Variants in JAK2 observed in about 807,000 individuals in gnomAD.
JAK2 encodes Janus kinase 2.
JAK2 carries 86 observed loss-of-function variants against 139.3 expected under a neutral mutation model. The ratio of observed to expected loss-of-function variants is 0.62; its 90% CI spans 0.52 to 0.74. The LOEUF (loss-of-function observed/expected upper bound fraction) is 0.74, where lower values mean the gene tolerates loss of function less well. Ranked by LOEUF, JAK2 falls within the 30% of genes least tolerant of loss-of-function variation. The pLI, the probability that JAK2 is intolerant of heterozygous loss-of-function variation, is 0.00. For synonymous variants in JAK2, 490 were observed against 437.7 expected (o/e 1.12, Z -1.49); for missense variants, 1,421 against 1,360.3 (o/e 1.04, Z -0.70).
chr9:5,115,299 CAT>C (rs1310599777), intron 22 of JAK2, among the ~76,000 whole-genome samples: 15 of 152,090 alleles, frequency 9.9e-5, no homozygotes, highest in African/African-American at 2.4e-4. Flanking sequence ...GGCCAACAAA[CAT>C]ATGAAAAAAA....
chr9:5,005,657 T>A (rs1180566896), intron 2 of JAK2, among the ~76,000 whole-genome samples: 1 of 152,224 alleles, frequency 6.6e-6, no homozygotes, highest in Non-Finnish European at 1.5e-5. Context: ...TTTGGTATCA[T>A]GTTTATACTC....
chr9:5,090,429 C>T lies in JAK2; in HGVS notation c.2762-17C>T. On this transcript the variant is annotated splice_polypyrimidine_tract_variant and intron_variant, in intron 20 of 24. Transcript: ENST00000381652. ...ATATGGCAGAGTAAAACATTATTTC[C>T]ACCTTTATGTTAAAAGGTCGGCGTA... The T allele has an allele frequency of 2.7e-6, 4 of 1,496,662 alleles. No homozygotes were observed. The highest frequency in any genetic ancestry group is 3.6e-6 in the Non-Finnish European group (4 of 1,112,812). 92.7% of individuals were successfully genotyped at this position (1,496,662 alleles called of 1,614,324 possible).
intron 1 of JAK2, 26 bp from the exon 2 acceptor site, chr9:4,985,914 T>C (rs1331793189): frequency 1.3e-5 from 2 of 152,806 alleles, no homozygotes; most frequent in Non-Finnish European, 2.9e-5. Context: ...TATGTGGTAG[T>C]AGTTAACTGC....
chr9:5,112,994 C>T (rs1822766378), intron 22 of JAK2: 1 of 185,276 alleles, frequency 5.4e-6, no homozygotes, highest in South Asian at 1.6e-4. Flanking sequence ...TGATGAGGCT[C>T]AGAGTGATGG....
chr9:5,040,776 T>C (rs2130278191), intron 4 of JAK2, among the ~76,000 whole-genome samples: 1 of 152,312 alleles, frequency 6.6e-6, no homozygotes, highest in African/African-American at 2.4e-5. Context: ...CTTCCGCCCT[T>C]AACATGCGGT....
At chr9:5,023,637 G>C (rs1822583190) in intron 3 of JAK2, among the ~76,000 whole-genome samples, 1 of 152,202 alleles carries the variant, frequency 6.6e-6, no homozygotes, top group African/African-American at 2.4e-5. Flanking sequence ...GTCTCTCCTA[G>C]CTTCTTGCCA....
chr9:5,093,720 C>T (rs191152362), intron 22 of JAK2, among the ~76,000 whole-genome samples: 4 of 152,124 alleles, frequency 2.6e-5, no homozygotes, highest in Non-Finnish European at 5.9e-5. Context: ...ATCAACAGAA[C>T]AAGTTACCCT....
intron 2 of JAK2, among the ~76,000 whole-genome samples, chr9:4,990,513 G>T (rs920674718): frequency 6.6e-6 from 1 of 152,126 alleles, no homozygotes; most frequent in Admixed American, 6.6e-5. Context: ...TGTTAGCGAA[G>T]TTAAGGCTGG....
chr9:5,015,848 T>TA (rs1284337381), intron 2 of JAK2, among the ~76,000 whole-genome samples: 3 of 152,220 alleles, frequency 2.0e-5, no homozygotes, highest in African/African-American at 4.8e-5. Flanking sequence ...GATTTCCAGT[T>TA]ACCATCCTTT....
rs569731934 is a variant in JAK2 at position 4,991,862 on chromosome 9, T to TA, written c.-26+5841dup. Among the ~76,000 whole-genome samples the TA allele has an allele frequency of 3.9e-5, 6 of 152,324 alleles. No homozygotes were observed. The South Asian group carries it at 1.0e-3, about 26-fold the overall frequency. On this transcript the variant is annotated intron_variant, in intron 2 of 24. Coordinates refer to ENST00000381652, the MANE Select transcript of JAK2 (RefSeq NM_004972.4). ...TCATCCCCTTTGCCTTCAAGGGCTTTACCATTATATTTCTCTCCTCTTTTT... is the reference window on the plus strand; with the variant it reads ...TCATCCCCTTTGCCTTCAAGGGCTTTAACCATTATATTTCTCTCCTCTTTTT...
chr9:4,995,873 ATTAAG>A (rs971400399), intron 2 of JAK2, among the ~76,000 whole-genome samples: 30 of 152,232 alleles, frequency 2.0e-4, no homozygotes, highest in African/African-American at 7.0e-4. Flanking sequence ...ATTGTGAAGT[ATTAAG>A]TTATTTTTTG....
chr9:5,120,574 G>A (rs1256722608), intron 22 of JAK2, among the ~76,000 whole-genome samples: 1 of 152,088 alleles, frequency 6.6e-6, no homozygotes, highest in Non-Finnish European at 1.5e-5. Flanking sequence ...GTAAAAAATC[G>A]GTGAAACAGG....
chr9:4,986,881 T>C (rs1282084718), intron 2 of JAK2, among the ~76,000 whole-genome samples: 2 of 152,208 alleles, frequency 1.3e-5, no homozygotes, highest in Non-Finnish European at 2.9e-5. Flanking sequence ...AATTTTCCCC[T>C]TGTAGCATCA....
chr9:5,045,206 G>C (rs1816917138), intron 5 of JAK2, among the ~76,000 whole-genome samples: 2 of 152,240 alleles, frequency 1.3e-5, no homozygotes, highest in East Asian at 1.9e-4. Context: ...TAGTGCTCTT[G>C]GGTAAAAATA....
chr9:5,082,335 G>A (rs913237389), intron 19 of JAK2, among the ~76,000 whole-genome samples: 4 of 152,192 alleles, frequency 2.6e-5, no homozygotes, highest in African/African-American at 9.7e-5. Flanking sequence ...TTCAAGGGAA[G>A]GTACTATGCC....
rs144454198 is a variant in JAK2, at chr9:5,034,115, A to C, written c.350+4209A>C. ...CCTAGTCTCGGATAAAACAGACTTT[A>C]AACCAACAAAGATCAAAAGAAACAA... On this transcript the variant is annotated intron_variant, in intron 4 of 24. Coordinates refer to ENST00000381652, the MANE Select transcript of JAK2 (RefSeq NM_004972.4). Among the ~76,000 whole-genome samples, 1,004 of 152,326 alleles carry C rather than the reference A, an allele frequency of 6.6e-3. 9 individuals are homozygous for C. The highest frequency in any genetic ancestry group is 0.022 in the African/African-American group (925 of 41,566).
At chr9:5,078,136 A>G (rs946006237) in intron 15 of JAK2, among the ~76,000 whole-genome samples, 170 bp from the exon 16 acceptor site, 1 of 152,224 alleles carries the variant, frequency 6.6e-6, no homozygotes, top group African/African-American at 2.4e-5. Flanking sequence ...TTAAAATGTA[A>G]AACAGGAAGC....
At chr9:5,008,362 T>G (rs998258005) in intron 2 of JAK2, among the ~76,000 whole-genome samples, 1 of 152,202 alleles carries the variant, frequency 6.6e-6, no homozygotes, top group African/African-American at 2.4e-5. Context: ...ATTCTTCAGT[T>G]GTTAGGTGTT....
chr9:5,092,990 G>C (rs528353358), intron 22 of JAK2, among the ~76,000 whole-genome samples: 46 of 152,258 alleles, frequency 3.0e-4, no homozygotes, highest in African/African-American at 9.6e-4. Context: ...AATTAAGAAA[G>C]TGTTCAAGCT....
Sources: gnomAD v4.1 joint callset for allele counts (sites outside exome capture counted in the v4.1 genomes callset) on GRCh38, gnomAD v4.1.1 for gene constraint, MANE v1.5 for transcripts, NCBI Gene and HGNC (gene_info 2026-07-23, HGNC 2026-07-21) for gene names.